The following ABR variants were observed in gnomAD, a reference collection of about 807,000 sequenced individuals.
ABR encodes active breakpoint cluster region-related protein.
In ABR, 35 loss-of-function variants were observed where a neutral mutation model predicts 107.2. That is an observed-to-expected ratio of 0.33 (90% CI 0.25 to 0.43). ABR has a LOEUF of 0.43. ABR is among the 20% of genes least tolerant of loss of function. The pLI is 1.00. For missense variants in ABR, 815 were observed against 1,115.2 expected (o/e 0.73, Z 3.83); for synonymous variants, 498 against 462.0 (o/e 1.08, Z -1.00).
intron 16 of ABR, among the ~76,000 whole-genome samples, chr17:1,044,733 G>C (rs1215401433): frequency 1.3e-5 from 2 of 151,754 alleles, no homozygotes; most frequent in Non-Finnish European, 2.9e-5. Context: ...CTTGCTTGCA[G>C]CTCCCCGCCA....
chr17:1,216,079 T>A (rs9328724), intron 1 of ABR, among the ~76,000 whole-genome samples: 1 of 150,212 alleles, frequency 6.7e-6, no homozygotes, highest in Non-Finnish European at 1.5e-5. Flanking sequence ...CCAGAGACCT[T>A]TGTTCACTTG....
chr17:1,091,698 G>A lies in ABR; in HGVS notation c.498C>T (p.Ser166=). The part of the protein sequence containing the change: ...NLCPKVQQWD[S]QVTMGHLFQK... ...GGAAGAGGTGGCCCATGGTGACCTG[G>A]CTGTCCCACTGTTGCACCTTGGGGC... is the stretch of plus-strand genomic sequence containing the variant. The change falls in exon 4 of 23, where the codon AGC becomes AGT. Residue 166 remains serine (S), a synonymous_variant. Coordinates refer to ENST00000302538, the MANE Select transcript of ABR (RefSeq NM_021962.5). The A allele has an allele frequency of 6.2e-7, 1 of 1,614,090 alleles. No homozygotes were observed.
chr17:1,073,533 T>G, intron 7 of ABR, 92 bp downstream of exon 7: 1 of 1,046,664 alleles, frequency 9.6e-7, no homozygotes, highest in Middle Eastern at 2.2e-4. Context: ...CCAGGTGGAC[T>G]GTTCTCGGTG....
intron 7 of ABR, 55 bp downstream of exon 7, chr17:1,073,570 A>C: frequency 1.4e-6 from 2 of 1,379,706 alleles, no homozygotes; most frequent in Non-Finnish European, 2.0e-6. Flanking sequence ...ACCCAGGCTC[A>C]GTCTTCCACT....
chr17:1,006,002 G>A lies in ABR; in HGVS notation c.*78C>T, dbSNP rs1359825253. 2 of 1,301,632 alleles carry A rather than the reference G, an allele frequency of 1.5e-6. No homozygotes were observed. Among genetic ancestry groups the A allele is most frequent in the South Asian group, 1.3e-5 (1 of 79,038 alleles). The allele number at this position is 1,301,632 out of a possible 1,614,324, so 80.6% of individuals were successfully genotyped here. A position where few individuals can be genotyped will look rare whatever the true frequency, so the allele number is the denominator to read the frequency against. ...GTGCTGGGTTTGGGAGTTTTCTATT[G>A]CAGTCTTTCAAGTCTGAGTTGGACC... On this transcript the variant is annotated 3_prime_UTR_variant, in exon 23 of 23. Transcript: ENST00000302538.
intron 16 of ABR, among the ~76,000 whole-genome samples, chr17:1,028,879 C>T (rs888922332): frequency 2.4e-4 from 35 of 144,492 alleles, no homozygotes; most frequent in African/African-American, 6.7e-4. Flanking sequence ...GCTTCTGGAC[C>T]GGCCTCCCTT....
At chr17:1,202,374 G>A (rs1448737829) in intron 1 of ABR, among the ~76,000 whole-genome samples, 1 of 152,128 alleles carries the variant, frequency 6.6e-6, no homozygotes, top group Non-Finnish European at 1.5e-5. Context: ...GCCCCAGAGC[G>A]CACATTCAAA....
At chr17:1,120,819 A>C (rs921328273) in intron 2 of ABR, among the ~76,000 whole-genome samples, 1 of 152,196 alleles carries the variant, frequency 6.6e-6, no homozygotes, top group African/African-American at 2.4e-5. Flanking sequence ...GACACCCCTC[A>C]GGCCACACAG....
chr17:1,077,142 C>G (rs1030365561), intron 6 of ABR, among the ~76,000 whole-genome samples: 1 of 152,160 alleles, frequency 6.6e-6, no homozygotes, highest in African/African-American at 2.4e-5. Context: ...TAGATCCACC[C>G]GCACTCCTTG....
chr17:1,116,546 T>G (rs1261746326), intron 2 of ABR, among the ~76,000 whole-genome samples: 1 of 151,928 alleles, frequency 6.6e-6, no homozygotes, highest in East Asian at 1.9e-4. Context: ...TCAGGGAAGA[T>G]TAACAGTATG....
rs1428241132 is a variant in ABR, at chr17:1,050,983, C to T, written c.1562-349G>A. 3.3e-5 allele frequency among the ~76,000 whole-genome samples: 5 copies of T among 152,114 alleles called. No homozygotes were observed. The highest frequency in any genetic ancestry group is 4.8e-5 in the African/African-American group (2 of 41,414). Reference sequence around the variant, plus strand: ...CCCTCTAAAGGGCCCTTGACTGTTCCGTCTCCACATCTTCCTCACCATGGA... The same window carrying T: ...CCCTCTAAAGGGCCCTTGACTGTTCTGTCTCCACATCTTCCTCACCATGGA... On this transcript the variant is annotated intron_variant, in intron 14 of 22. Coordinates refer to ENST00000302538, the MANE Select transcript of ABR (RefSeq NM_021962.5). This position sits in a 1 kb window ranked among gnomAD's most constrained non-coding sequence, Gnocchi z 4.6.
chr17:1,024,402 G>A (rs145857744), intron 16 of ABR, among the ~76,000 whole-genome samples: 1,605 of 152,346 alleles, frequency 0.011, 42 homozygotes, highest in South Asian at 0.082. Flanking sequence ...CTGCGCTGAG[G>A]CTGAGTGGCC....
intron 1 of ABR, among the ~76,000 whole-genome samples, chr17:1,160,019 C>T (rs1032706816): frequency 3.9e-5 from 6 of 152,102 alleles, no homozygotes; most frequent in Non-Finnish European, 1.5e-5. Context: ...GGGAACAGGT[C>T]CCTTGGGGCT....
rs1223089420 is a variant in ABR at position 1,179,615 on chromosome 17, C to G, written c.61+52G>C. 1 of 1,458,104 alleles carries G rather than the reference C, an allele frequency of 6.9e-7. No individual in the cohort carries two copies. Among genetic ancestry groups the G allele is most frequent in the East Asian group, 2.9e-5 (1 of 35,016 alleles). 90.3% of individuals were successfully genotyped at this position (1,458,104 alleles called of 1,614,324 possible). A position where few individuals can be genotyped will look rare whatever the true frequency, so the allele number is the denominator to read the frequency against. On this transcript the variant is annotated intron_variant, in intron 1 of 22. Transcript: ENST00000302538. The surrounding 1 kb of genome is among the most constrained non-coding windows in gnomAD (Gnocchi z 4.9). ...CCGATCCTGGGGTCCCGATCTCCAT[C>G]CTGGGGTCCCGATCCCGATCCTGGG...
At chr17:1,019,966 C>G (rs2071490031) in intron 16 of ABR, among the ~76,000 whole-genome samples, 1 of 152,212 alleles carries the variant, frequency 6.6e-6, no homozygotes, top group South Asian at 2.1e-4. Context: ...CCAAGGTGGG[C>G]CACAGGCAGG....
chr17:1,117,816 C>T (rs1597875781), intron 2 of ABR, among the ~76,000 whole-genome samples: 1 of 85,622 alleles, frequency 1.2e-5, no homozygotes, highest in African/African-American at 5.8e-5. Context: ...CCTGAGTCCT[C>T]CCAGCGTTAT....
At chr17:1,170,332 G>T (rs1157422919) in intron 1 of ABR, among the ~76,000 whole-genome samples, 1 of 152,204 alleles carries the variant, frequency 6.6e-6, no homozygotes. Context: ...GCTGTGAAGG[G>T]TAAGAGTGCG....
chr17:1,177,629 T>A (rs1217022135), intron 1 of ABR, among the ~76,000 whole-genome samples: 1 of 151,624 alleles, frequency 6.6e-6, no homozygotes, highest in Non-Finnish European at 1.5e-5. Flanking sequence ...CTCAGAGGAG[T>A]CTTCTGCTGC....
At chr17:1,014,204 G>T (rs2070921766) in intron 16 of ABR, among the ~76,000 whole-genome samples, 1 of 152,202 alleles carries the variant, frequency 6.6e-6, no homozygotes. Context: ...CACTTTGAGA[G>T]GCCAAGGCAG....
Sources: allele counts gnomAD v4.1 joint callset (sites outside exome capture counted in the v4.1 genomes callset), GRCh38; gene constraint gnomAD v4.1.1; non-coding constraint Gnocchi (gnomAD v3.1); transcripts MANE v1.5; gene names NCBI Gene and HGNC (gene_info 2026-07-23, HGNC 2026-07-21).